Variants in SRBD1 observed in about 807,000 individuals in gnomAD.
The protein encoded by SRBD1 is S1 RNA binding domain 1.
SRBD1 carries 88 observed loss-of-function variants against 115.3 expected under a neutral mutation model. The ratio of observed to expected loss-of-function variants is 0.76; its 90% confidence interval spans 0.64 to 0.91. SRBD1 has a LOEUF of 0.91. Among genes scored for constraint, SRBD1 ranks in the 40% least tolerant of loss-of-function variants. The pLI is 0.00. For missense variants in SRBD1, 1,385 were observed against 1,177.4 expected, an observed-to-expected ratio of 1.18 and a Z score of -2.58; for synonymous variants, 509 against 407.7, an observed-to-expected ratio of 1.25 and a Z score of -2.99.
At chr2:45,585,849 G>C in intron 4 of SRBD1, 75 bp from the exon 5 acceptor site, 1 of 1,212,344 alleles carries the variant, frequency 8.2e-7, no homozygotes, top group Non-Finnish European at 1.1e-6. Flanking sequence ...TTAAAACATA[G>C]TATCAAATAA....
At chr2:45,504,464 T>C (rs187579713) in intron 14 of SRBD1, among the ~76,000 whole-genome samples, 1 of 152,218 alleles carries the variant, frequency 6.6e-6, no homozygotes, top group East Asian at 1.9e-4. Context: ...CTCTGTGATG[T>C]AATCAGACCA....
At chr2:45,599,918 C>G in intron 3 of SRBD1, 83 bp from the exon 4 acceptor site, 2 of 1,400,684 alleles carry the variant, frequency 1.4e-6, no homozygotes, top group South Asian at 2.9e-5. Context: ...TAAAAGTGAA[C>G]AAATTATTGA....
intron 20 of SRBD1, among the ~76,000 whole-genome samples, chr2:45,392,417 ACATG>A (rs1667029380): frequency 6.6e-6 from 1 of 152,228 alleles, no homozygotes; most frequent in Non-Finnish European, 1.5e-5. Context: ...TATGGTTGTT[ACATG>A]GAAGTATAAT....
intron 19 of SRBD1, among the ~76,000 whole-genome samples, chr2:45,397,450 A>G (rs756936617): frequency 1.3e-5 from 2 of 152,218 alleles, no homozygotes; most frequent in African/African-American, 2.4e-5. Flanking sequence ...CCTTTATGCT[A>G]TCTACAGAGG....
At chr2:45,502,647 C>T (rs904574342) in intron 14 of SRBD1, among the ~76,000 whole-genome samples, 7 of 137,418 alleles carry the variant, frequency 5.1e-5, no homozygotes, top group Admixed American at 3.1e-4. Flanking sequence ...CACTTGGACA[C>T]GGGAAGGAGA....
chr2:45,602,394 A>C (rs1050996587), intron 2 of SRBD1, among the ~76,000 whole-genome samples: 4 of 152,256 alleles, frequency 2.6e-5, no homozygotes, highest in Non-Finnish European at 4.4e-5. Flanking sequence ...TAAGTAATTT[A>C]CTGGGTCATG....
At chr2:45,403,495 T>C (rs1234386485) in intron 19 of SRBD1, among the ~76,000 whole-genome samples, 1 of 152,144 alleles carries the variant, frequency 6.6e-6, no homozygotes, top group Non-Finnish European at 1.5e-5. Flanking sequence ...GTATCAGTAT[T>C]TGTCAGGTGC....
At chr2:45,422,953 G>T (rs907913761) in intron 16 of SRBD1, among the ~76,000 whole-genome samples, 1 of 152,140 alleles carries the variant, frequency 6.6e-6, no homozygotes, top group Non-Finnish European at 1.5e-5. Context: ...CCAACTACCA[G>T]ATTTGGAAGT....
intron 16 of SRBD1, among the ~76,000 whole-genome samples, chr2:45,460,026 C>T (rs914884477): frequency 2.6e-5 from 4 of 152,130 alleles, no homozygotes; most frequent in Non-Finnish European, 5.9e-5. Context: ...GTATGACTAA[C>T]CAAGTATTCT....
At chr2:45,482,312 T>C (rs1464753572) in intron 15 of SRBD1, among the ~76,000 whole-genome samples, 1 of 152,140 alleles carries the variant, frequency 6.6e-6, no homozygotes, top group East Asian at 1.9e-4. Context: ...TTATGTATGA[T>C]GATTGTCTAC....
chr2:45,547,573 C>G lies in SRBD1; in HGVS notation c.1715G>C (p.Gly572Ala). Residue 572 changes from glycine to alanine, a missense_variant, in exon 13 of 21, where the codon GGA becomes GCA. Transcript: ENST00000263736. ...TTTCTCCGCCTCTCGGAAGCCTTGT[C>G]CACAATGCAAGTAAACCACATCAGT... ...LHTDVVYLHC[G>A]QGFREAEKIK... 6.2e-7 allele frequency: 1 copy of G among 1,613,622 alleles called. No individual in the cohort carries two copies. The highest frequency in any genetic ancestry group is 8.5e-7 in the Non-Finnish European group (1 of 1,179,724).
In SRBD1 at chr2:45,605,456, AAAT is replaced by A; in HGVS notation, c.1-18_1-16del. On this transcript the variant is annotated splice_polypyrimidine_tract_variant and intron_variant, in intron 1 of 20. Coordinates refer to ENST00000263736, the MANE Select transcript of SRBD1 (RefSeq NM_018079.5). ...AATGATGACATCTAGAAGAAACAGA[AAAT>A]AAAATCAGCAACACTTGAATATTCT... 1 of 1,610,120 alleles carries A rather than the reference AAAT, an allele frequency of 6.2e-7. No individual in the cohort carries two copies. Among genetic ancestry groups the A allele is most frequent in the African/African-American group, 1.3e-5 (1 of 75,000 alleles).
intron 4 of SRBD1, among the ~76,000 whole-genome samples, chr2:45,595,637 A>G (rs1239931824): frequency 6.6e-6 from 1 of 152,230 alleles, no homozygotes; most frequent in Non-Finnish European, 1.5e-5. Flanking sequence ...GCAGGAATAC[A>G]GTTTTAAGAC....
intron 13 of SRBD1, among the ~76,000 whole-genome samples, chr2:45,547,183 A>G (rs573429557): frequency 2.6e-5 from 4 of 152,306 alleles, no homozygotes; most frequent in African/African-American, 9.6e-5. Flanking sequence ...TAAATTATAT[A>G]ATATATTGTC....
intron 16 of SRBD1, among the ~76,000 whole-genome samples, chr2:45,440,138 A>G (rs1006547007): frequency 2.6e-5 from 4 of 152,188 alleles, no homozygotes; most frequent in East Asian, 1.9e-4. Context: ...TTCTCATTCC[A>G]TAAATAGACG....
intron 16 of SRBD1, among the ~76,000 whole-genome samples, chr2:45,451,110 C>T (rs192300674): frequency 6.6e-6 from 1 of 152,138 alleles, no homozygotes; most frequent in East Asian, 1.9e-4. Flanking sequence ...AGGGTGATGA[C>T]TGATTCAAGC....
chr2:45,596,245 A>G (rs1477391879), intron 4 of SRBD1, among the ~76,000 whole-genome samples: 1 of 152,192 alleles, frequency 6.6e-6, no homozygotes, highest in Non-Finnish European at 1.5e-5. Context: ...CCTATCGCTC[A>G]TCATACACTT....
At chr2:45,522,830 G>A (rs186006986) in intron 14 of SRBD1, among the ~76,000 whole-genome samples, 327 of 152,072 alleles carry the variant, frequency 2.2e-3, no homozygotes, top group Admixed American at 5.6e-3. Flanking sequence ...AATACAAGAC[G>A]TATAACATAC....
chr2:45,497,795 G>C (rs1430945556), intron 14 of SRBD1, among the ~76,000 whole-genome samples: 4 of 151,838 alleles, frequency 2.6e-5, no homozygotes, highest in South Asian at 2.1e-4. Flanking sequence ...TCAGCACTTT[G>C]GGAGGCTGAG....
Sources: allele counts gnomAD v4.1 joint callset (sites outside exome capture counted in the v4.1 genomes callset), GRCh38; gene constraint gnomAD v4.1.1; transcripts MANE v1.5; gene names NCBI Gene and HGNC (gene_info 2026-07-23, HGNC 2026-07-21).